Variants in ARHGAP22 observed in about 807,000 individuals in gnomAD.
ARHGAP22 encodes Rho GTPase activating protein 22, also known as rho GTPase-activating protein 22.
A neutral mutation model predicts 59.1 loss-of-function variants in ARHGAP22; 48 were observed. That is an observed-to-expected ratio of 0.81 (90% CI 0.64 to 1.03). The LOEUF is 1.03. Among genes scored for constraint, ARHGAP22 ranks in the 50% least tolerant of loss-of-function variants. ARHGAP22 has a pLI of 0.00. For missense variants in ARHGAP22, 1,015 were observed against 958.7 expected (o/e 1.06, Z -0.78); for synonymous variants, 445 against 416.4 (o/e 1.07, Z -0.84).
chr10:48,563,360 A>AT (rs1166080979), intron 2 of ARHGAP22, among the ~76,000 whole-genome samples: 2 of 151,696 alleles, frequency 1.3e-5, no homozygotes, highest in Non-Finnish European at 2.9e-5. Flanking sequence ...CGCCTGGCTA[A>AT]TTTTTTGTAT....
At chr10:48,524,715 A>C (rs1339001021) in intron 3 of ARHGAP22, among the ~76,000 whole-genome samples, 1 of 151,844 alleles carries the variant, frequency 6.6e-6, no homozygotes, top group Non-Finnish European at 1.5e-5. Flanking sequence ...AGGAAGAGGG[A>C]GTGTTTGCCC....
chr10:48,524,349 C>T (rs1378007243), intron 3 of ARHGAP22: 1 of 153,800 alleles, frequency 6.5e-6, no homozygotes, highest in African/African-American at 2.4e-5. Flanking sequence ...GCGCCACTGC[C>T]CGCTTTTATC....
In ARHGAP22 at chr10:48,591,375, A is replaced by T. The variant is rs572388219; in HGVS notation, c.35-8223T>A. Among the ~76,000 whole-genome samples the T allele has an allele frequency of 2.4e-3, 359 of 152,298 alleles. 2 individuals carry two copies. The highest frequency in any genetic ancestry group is 8.4e-3 in the African/African-American group (351 of 41,556). On this transcript the variant is annotated intron_variant, in intron 1 of 9. Coordinates refer to ENST00000249601, the MANE Select transcript of ARHGAP22 (RefSeq NM_021226.4). Reference sequence around the variant, plus strand: ...GCACAGGGCCAGCAGAGGAGGAACCATTTCACGCCATTTTCTCATCCAGGA... The same window carrying T: ...GCACAGGGCCAGCAGAGGAGGAACCTTTTCACGCCATTTTCTCATCCAGGA...
chr10:48,446,538 G>T lies in ARHGAP22; in HGVS notation c.1950C>A (p.Ile650=). 2 of 1,614,202 alleles carry T rather than the reference G, an allele frequency of 1.2e-6. No homozygotes were observed. The highest frequency in any genetic ancestry group is 2.2e-5 in the South Asian group (2 of 91,076). Residue 650 remains isoleucine (I), a synonymous_variant, in exon 10 of 10, where the codon ATC becomes ATA. Coordinates refer to ENST00000249601, the MANE Select transcript of ARHGAP22 (RefSeq NM_021226.4). Reference sequence around the variant, plus strand: ...AGTTCCGCAGCTTTATTTCCAGCATGATGTATTTTTTCTTTTCCTGGTCCA... The same window carrying T: ...AGTTCCGCAGCTTTATTTCCAGCATTATGTATTTTTTCTTTTCCTGGTCCA... ...EELDQEKKKY[I]MLEIKLRNSE...
intron 3 of ARHGAP22, among the ~76,000 whole-genome samples, chr10:48,520,259 G>A (rs976584807): frequency 2.0e-5 from 3 of 152,214 alleles, no homozygotes; most frequent in Non-Finnish European, 4.4e-5. Context: ...GGGCCTTGAG[G>A]GAGACAGCTC....
At chr10:48,505,594 C>T (rs942128159) in intron 3 of ARHGAP22, among the ~76,000 whole-genome samples, 2 of 152,114 alleles carry the variant, frequency 1.3e-5, no homozygotes, top group Non-Finnish European at 2.9e-5. Flanking sequence ...GAGGTGGCTC[C>T]AGAACTCCTC....
chr10:48,449,454 G>A (rs931868042), intron 9 of ARHGAP22, among the ~76,000 whole-genome samples: 2 of 152,220 alleles, frequency 1.3e-5, no homozygotes, highest in African/African-American at 4.8e-5. Context: ...AGCTCCCAGT[G>A]GAAATCACAG....
At chr10:48,447,844 A>C (rs894906749) in intron 9 of ARHGAP22, among the ~76,000 whole-genome samples, 3 of 152,074 alleles carry the variant, frequency 2.0e-5, no homozygotes, top group Non-Finnish European at 4.4e-5. Context: ...TCCTCCCCTA[A>C]GTCCATTCTT....
intron 3 of ARHGAP22, chr10:48,493,519 A>C: frequency 6.5e-7 from 1 of 1,534,298 alleles, no homozygotes; most frequent in Admixed American, 2.0e-5. Context: ...CTGCAGTGAG[A>C]GGAGCAGTGG....
At chr10:48,487,190 C>G (rs1431564563) in intron 3 of ARHGAP22, among the ~76,000 whole-genome samples, 1 of 152,154 alleles carries the variant, frequency 6.6e-6, no homozygotes, top group East Asian at 1.9e-4. Flanking sequence ...TATTACACAA[C>G]TTAAGGTTAT....
upstream of ARHGAP22, among the ~76,000 whole-genome samples, chr10:48,608,898 C>T (rs2135953075): frequency 1.3e-5 from 2 of 152,288 alleles, no homozygotes; most frequent in East Asian, 1.9e-4. Flanking sequence ...ATTTCCAAAT[C>T]ATTTTACTAC....
intron 1 of ARHGAP22, among the ~76,000 whole-genome samples, chr10:48,588,136 C>T (rs563900852): frequency 1.6e-3 from 246 of 152,274 alleles, no homozygotes; most frequent in African/African-American, 5.8e-3. Flanking sequence ...GGCATCAGGC[C>T]TCCTGAGAGC....
intron 3 of ARHGAP22, among the ~76,000 whole-genome samples, chr10:48,533,506 T>C (rs1364058529): frequency 1.3e-5 from 2 of 152,260 alleles, no homozygotes; most frequent in African/African-American, 2.4e-5. Flanking sequence ...TGAACTATTG[T>C]GGTATCACTA....
At chr10:48,442,875 G>C (rs2045234792), downstream of ARHGAP22, among the ~76,000 whole-genome samples, 1 of 152,224 alleles carries the variant, frequency 6.6e-6, no homozygotes. Flanking sequence ...GCAGGGGCTT[G>C]GGATTTATGA....
At chr10:48,536,232 G>T (rs146152919) in intron 3 of ARHGAP22, among the ~76,000 whole-genome samples, 27 of 152,338 alleles carry the variant, frequency 1.8e-4, no homozygotes, top group African/African-American at 6.5e-4. Flanking sequence ...ATGGGCACAG[G>T]GTGGTATCTT....
chr10:48,455,070 C>G lies in ARHGAP22; in HGVS notation c.724G>C (p.Val242Leu). The change falls in exon 6 of 10, where the codon GTG becomes CTG. Residue 242 changes from valine to leucine, a missense_variant. By Grantham distance (32) the Val-to-Leu change is conservative. Transcript: ENST00000249601. The stretch of plus-strand genomic sequence containing the variant: ...TCCTCGTACCTGGCGAAGGGGACCA[C>G]GGGCTCGGGGAGCTCCCGCAGGTAC... ...KLYLRELPEP[V>L]VPFARYEDFL... The G allele has an allele frequency of 1.2e-6, 2 of 1,612,420 alleles. No individual in the cohort carries two copies. The highest frequency in any genetic ancestry group is 4.5e-5 in the East Asian group (2 of 44,882).
At chr10:48,624,677 G>T (rs1176369843) in intron 1 of ARHGAP22, among the ~76,000 whole-genome samples, 1 of 152,186 alleles carries the variant, frequency 6.6e-6, no homozygotes, top group East Asian at 1.9e-4. Context: ...AGGTGTAAGA[G>T]AACATGATTG....
chr10:48,654,804 TTC>T (rs1157514398), upstream of ARHGAP22, among the ~76,000 whole-genome samples: 3 of 129,734 alleles, frequency 2.3e-5, no homozygotes, highest in Non-Finnish European at 5.2e-5. Context: ...CTTTCTTTCT[TTC>T]TTTCTTTCTT....
the ARHGAP22 span, among the ~76,000 whole-genome samples, chr10:48,431,956 G>C: frequency 1.3e-5 from 2 of 152,134 alleles, no homozygotes; most frequent in African/African-American, 4.8e-5. Flanking sequence ...TTGCACACAT[G>C]TTATGGATGA....
Sources: allele counts gnomAD v4.1 joint callset (sites outside exome capture counted in the v4.1 genomes callset), GRCh38; gene constraint gnomAD v4.1.1; transcripts MANE v1.5; gene names NCBI Gene and HGNC (gene_info 2026-07-23, HGNC 2026-07-21).